The following PRLR variants were observed in gnomAD, a reference collection of about 807,000 sequenced individuals.
PRLR encodes hPRL receptor.
PRLR carries 13 observed loss-of-function variants against 40.2 expected under a neutral mutation model. The observed-to-expected ratio is 0.32, with a 90% confidence interval of 0.21 to 0.51. The LOEUF is 0.51. Ranked by LOEUF, PRLR falls within the 20% of genes least tolerant of loss-of-function variation. The pLI is 0.97. For synonymous variants in PRLR, 269 were observed against 278.7 expected, an observed-to-expected ratio of 0.97 and a Z score of 0.35; for missense variants, 656 against 747.3, an observed-to-expected ratio of 0.88 and a Z score of 1.42.
intron 1 of PRLR, among the ~76,000 whole-genome samples, chr5:35,122,389 C>T (rs1396595848): frequency 6.6e-6 from 1 of 152,212 alleles, no homozygotes; most frequent in Non-Finnish European, 1.5e-5. Flanking sequence ...TCCCGATGCT[C>T]TCCCTCCCCA....
At chr5:35,134,898 G>A (rs2962096) in intron 1 of PRLR, among the ~76,000 whole-genome samples, 34,802 of 152,130 alleles carry the variant, frequency 0.23, 7,589 homozygotes, top group African/African-American at 0.57. Context: ...CTAATGTGGA[G>A]CAAAGTTTGA....
In PRLR at chr5:35,063,581, A is replaced by G. The variant is rs1399385947; in HGVS notation, c.*1508T>C. On this transcript the variant is annotated 3_prime_UTR_variant, in exon 10 of 10. Transcript: ENST00000618457. The stretch of plus-strand genomic sequence containing the variant: ...ATTCCCATTGCTCTGGGAAGCAAAT[A>G]CCTAGTTTCCCAGAACTTTTATTTG... 1 of 152,116 alleles carries G rather than the reference A, an allele frequency of 6.6e-6. No individual in the cohort carries two copies. The highest frequency in any genetic ancestry group is 1.5e-5 in the Non-Finnish European group (1 of 68,026). 9.4% of individuals were successfully genotyped at this position (152,116 alleles called of 1,614,324 possible).
At chr5:35,052,490 T>C (rs1396164863), downstream of PRLR, among the ~76,000 whole-genome samples, 1 of 152,100 alleles carries the variant, frequency 6.6e-6, no homozygotes, top group Non-Finnish European at 1.5e-5. Context: ...CCAGCAGCAG[T>C]TCTCTTTGAC....
intron 1 of PRLR, among the ~76,000 whole-genome samples, chr5:35,184,089 G>A (rs1405600669): frequency 6.6e-6 from 1 of 152,098 alleles, no homozygotes; most frequent in Non-Finnish European, 1.5e-5. Context: ...TAGATTCCTG[G>A]GATGATATAA....
chr5:35,088,571 C>A (rs982390406), intron 3 of PRLR, among the ~76,000 whole-genome samples: 1 of 152,062 alleles, frequency 6.6e-6, no homozygotes, highest in Non-Finnish European at 1.5e-5. Flanking sequence ...ATTAATAGTA[C>A]CTTCAGGAAG....
intron 1 of PRLR, among the ~76,000 whole-genome samples, chr5:35,170,616 G>A (rs1365819406): frequency 1.3e-5 from 2 of 152,212 alleles, no homozygotes; most frequent in African/African-American, 4.8e-5. Flanking sequence ...AGTCAGCTAT[G>A]ATCACACCAC....
chr5:35,220,043 C>A (rs991590081), intron 1 of PRLR, among the ~76,000 whole-genome samples: 1 of 152,180 alleles, frequency 6.6e-6, no homozygotes, highest in Admixed American at 6.5e-5. Context: ...TCCACCCTCC[C>A]CTCTTGCTTG....
rs1773803422 is a variant in PRLR, at chr5:35,134,866, G to T, written c.-105-16744C>A. 2.6e-5 allele frequency among the ~76,000 whole-genome samples: 4 copies of T among 152,332 alleles called. No homozygotes were observed. The South Asian group carries it at 6.2e-4, about 24-fold the overall frequency. On this transcript the variant is annotated intron_variant, in intron 1 of 9. Transcript: ENST00000618457. ...AGATGTTCTGATTTAATGGCGTGGG[G>T]TGCCGCCTGAGGGTTAAAATTCTAA...
chr5:35,203,995 C>T (rs1031491542), intron 1 of PRLR, among the ~76,000 whole-genome samples: 6 of 151,976 alleles, frequency 3.9e-5, no homozygotes, highest in Non-Finnish European at 5.9e-5. Context: ...ACAACAAAAA[C>T]AACACAGCTC....
rs183799320 is a variant in PRLR, at chr5:35,130,767, A to C, written c.-105-12645T>G. ...CTCATTTGGAAATAGGGTCCTTGCAAATGTAATTGGTTAAGATGAAGTAAT... is the reference window on the plus strand; with the variant it reads ...CTCATTTGGAAATAGGGTCCTTGCACATGTAATTGGTTAAGATGAAGTAAT... On this transcript the variant is annotated intron_variant, in intron 1 of 9. Transcript: ENST00000618457. 1.2e-4 allele frequency among the ~76,000 whole-genome samples: 19 copies of C among 152,302 alleles called. No individual in the cohort carries two copies. The East Asian group carries it at 3.5e-3, about 28-fold the overall frequency.
intron 1 of PRLR, among the ~76,000 whole-genome samples, chr5:35,189,402 A>G (rs904985050): frequency 3.3e-5 from 5 of 152,162 alleles, no homozygotes; most frequent in African/African-American, 7.2e-5. Context: ...CCAACATGGC[A>G]AAACCCCATC....
In PRLR at chr5:35,057,876, A is replaced by G. The variant is rs987621032; in HGVS notation, c.*7213T>C. 2.0e-5 allele frequency: 3 copies of G among 152,128 alleles called. No individual in the cohort carries two copies. Among genetic ancestry groups the G allele is most frequent in the African/African-American group, 7.2e-5 (3 of 41,440 alleles). 9.4% of individuals were successfully genotyped at this position (152,128 alleles called of 1,614,324 possible). A position where few individuals can be genotyped will look rare whatever the true frequency, so the allele number is the denominator to read the frequency against. On this transcript the variant is annotated 3_prime_UTR_variant, in exon 10 of 10. Transcript: ENST00000618457. ...ATACTATGTTTGATGACTAAAATCAAATAAGGAAAAGGGTTATTTCTAGGG... is the reference window on the plus strand; with the variant it reads ...ATACTATGTTTGATGACTAAAATCAGATAAGGAAAAGGGTTATTTCTAGGG...
intron 1 of PRLR, among the ~76,000 whole-genome samples, chr5:35,162,958 C>T (rs1161880742): frequency 6.6e-6 from 1 of 152,174 alleles, no homozygotes; most frequent in Non-Finnish European, 1.5e-5. Context: ...TTGAATCACA[C>T]ATACCTCTGC....
chr5:35,221,853 TG>T (rs36085920), intron 1 of PRLR, among the ~76,000 whole-genome samples: 2 of 152,236 alleles, frequency 1.3e-5, no homozygotes, highest in Non-Finnish European at 2.9e-5. Context: ...CATTTGGGAA[TG>T]GTACAAATTG....
rs1229256845 is a variant in PRLR, at chr5:35,064,652, T to G, written c.*437A>C. The G allele has an allele frequency of 6.1e-6, 1 of 163,692 alleles. No individual in the cohort carries two copies. The highest frequency in any genetic ancestry group is 5.7e-5 in the Admixed American group (1 of 17,500). 10.1% of individuals were successfully genotyped at this position (163,692 alleles called of 1,614,324 possible). ...ATAAAATGGACGAGGAGTGTAAAGG[T>G]TATGCAGTTGTTTTTCAAAAGCAAT... is the stretch of plus-strand genomic sequence containing the variant. On this transcript the variant is annotated 3_prime_UTR_variant, in exon 10 of 10. Coordinates refer to ENST00000618457, the MANE Select transcript of PRLR (RefSeq NM_000949.7).
At position 35,068,805 on chromosome 5, in the gene PRLR, G is replaced by A. The variant is rs1266280688; in HGVS notation, c.759C>T (p.Val253=). Residue 253 remains valine (V), a synonymous_variant, in exon 8 of 10, where the codon GTC becomes GTT. Coordinates refer to ENST00000618457, the MANE Select transcript of PRLR (RefSeq NM_000949.7). ...VLSAVICLII[V]WAVALKGYSM... ...TATAGCCCTTCAAAGCCACTGCCCA[G>A]ACAATAATCAAACAGATGACAGCAG... The A allele has an allele frequency of 1.2e-6, 2 of 1,610,572 alleles. No homozygotes were observed. The highest frequency in any genetic ancestry group is 1.6e-4 in the Middle Eastern group (1 of 6,080).
intron 1 of PRLR, chr5:35,195,375 A>G (rs1290668819): frequency 6.6e-6 from 1 of 152,280 alleles, no homozygotes. Context: ...TTAAGTTAAT[A>G]CGCTGTCTCC....
At chr5:35,170,305 T>G (rs1774962692) in intron 1 of PRLR, among the ~76,000 whole-genome samples, 1 of 152,198 alleles carries the variant, frequency 6.6e-6, no homozygotes. Flanking sequence ...TCATATGCCT[T>G]AAGCAAAGGG....
chr5:35,144,436 A>AT (rs530388017), intron 1 of PRLR, among the ~76,000 whole-genome samples: 2,019 of 152,104 alleles, frequency 0.013, 61 homozygotes, highest in African/African-American at 0.046. Flanking sequence ...TTTTTAAGTA[A>AT]TTTTTTATTT....
Sources: allele counts gnomAD v4.1 joint callset (sites outside exome capture counted in the v4.1 genomes callset), GRCh38; gene constraint gnomAD v4.1.1; transcripts MANE v1.5; gene names NCBI Gene and HGNC (gene_info 2026-07-23, HGNC 2026-07-21).